The following ADGRB3 variants were observed in gnomAD, a reference collection of about 807,000 sequenced individuals.
The protein encoded by ADGRB3 is brain-specific angiogenesis inhibitor 3.
ADGRB3 carries 37 observed loss-of-function variants against 193.4 expected under a neutral mutation model. The ratio of observed to expected loss-of-function variants is 0.19; its 90% CI spans 0.15 to 0.25. ADGRB3 has a LOEUF of 0.25. Ranked by LOEUF, ADGRB3 falls within the 10% of genes least tolerant of loss-of-function variation. The pLI is 1.00. For synonymous variants in ADGRB3, 690 were observed against 644.2 expected (o/e 1.07, Z -1.08); for missense variants, 1,637 against 1,852.9 (o/e 0.88, Z 2.14).
chr6:68,901,248 A>AG (rs1766385847), intron 3 of ADGRB3, among the ~76,000 whole-genome samples: 2 of 149,222 alleles, frequency 1.3e-5, no homozygotes, highest in Non-Finnish European at 3.0e-5. Flanking sequence ...TAGTGGGTGG[A>AG]GGGGGGTGGG....
At chr6:68,659,534 A>T (rs1768573955) in intron 3 of ADGRB3, among the ~76,000 whole-genome samples, 1 of 150,938 alleles carries the variant, frequency 6.6e-6, no homozygotes, top group Admixed American at 6.6e-5. Context: ...ATTTAGAATG[A>T]CTTTTATTGA....
At chr6:69,315,579 C>T (rs899218026) in intron 20 of ADGRB3, among the ~76,000 whole-genome samples, 2 of 151,340 alleles carry the variant, frequency 1.3e-5, no homozygotes, top group Non-Finnish European at 3.0e-5. Flanking sequence ...TGTAAATATG[C>T]AGTTATTAGT....
At chr6:68,848,799 C>G (rs1329292607) in intron 3 of ADGRB3, among the ~76,000 whole-genome samples, 1 of 151,972 alleles carries the variant, frequency 6.6e-6, no homozygotes, top group Non-Finnish European at 1.5e-5. Flanking sequence ...CTCTCAGGTA[C>G]AGTCCTATCA....
At chr6:68,784,322 A>G (rs923139426) in intron 3 of ADGRB3, among the ~76,000 whole-genome samples, 5 of 152,244 alleles carry the variant, frequency 3.3e-5, no homozygotes, top group Middle Eastern at 3.4e-3. Flanking sequence ...TTTAGCCAAA[A>G]GGCTGAGAAG....
intron 4 of ADGRB3, among the ~76,000 whole-genome samples, chr6:68,931,440 C>T (rs905791058): frequency 2.0e-5 from 3 of 151,938 alleles, no homozygotes; most frequent in Admixed American, 1.3e-4. Context: ...GAGTACATTG[C>T]ATGTAGTACA....
At chr6:68,756,431 G>A (rs1345870635) in intron 3 of ADGRB3, among the ~76,000 whole-genome samples, 1 of 152,148 alleles carries the variant, frequency 6.6e-6, no homozygotes, top group African/African-American at 2.4e-5. Context: ...TGTGTGCACA[G>A]GCAATATAAA....
At chr6:68,985,306 C>T (rs557363582) in intron 10 of ADGRB3, among the ~76,000 whole-genome samples, 17 of 152,250 alleles carry the variant, frequency 1.1e-4, no homozygotes, top group Admixed American at 8.5e-4. Flanking sequence ...TTGAAAAGTG[C>T]TCTTTGTGAT....
chr6:69,336,204 C>A (rs969617040), intron 24 of ADGRB3, among the ~76,000 whole-genome samples: 2 of 151,838 alleles, frequency 1.3e-5, no homozygotes, highest in Non-Finnish European at 2.9e-5. Context: ...ATTGTAAATA[C>A]AACACATCTT....
At chr6:69,248,426 C>T (rs1204588640) in intron 20 of ADGRB3, among the ~76,000 whole-genome samples, 1 of 152,186 alleles carries the variant, frequency 6.6e-6, no homozygotes, top group African/African-American at 2.4e-5. Flanking sequence ...GACTATGTCT[C>T]TCAGGGTGAA....
chr6:68,898,142 C>T (rs115590308), intron 3 of ADGRB3, among the ~76,000 whole-genome samples: 104 of 151,868 alleles, frequency 6.8e-4, no homozygotes, highest in African/African-American at 2.4e-3. Context: ...CCAGGAAAGC[C>T]TGTGGTGTAC....
At chr6:68,687,543 C>G (rs1257931015) in intron 3 of ADGRB3, among the ~76,000 whole-genome samples, 1 of 152,024 alleles carries the variant, frequency 6.6e-6, no homozygotes, top group African/African-American at 2.4e-5. Flanking sequence ...TGGAAATGAG[C>G]TAGGTATCTT....
intron 3 of ADGRB3, among the ~76,000 whole-genome samples, chr6:68,679,393 A>G (rs1027733131): frequency 6.6e-5 from 10 of 152,150 alleles, no homozygotes; most frequent in Admixed American, 6.5e-4. Context: ...AAGTAGAGAA[A>G]GGGGAACGCT....
At chr6:69,348,190 A>C (rs1464382628) in intron 26 of ADGRB3, among the ~76,000 whole-genome samples, 1 of 152,180 alleles carries the variant, frequency 6.6e-6, no homozygotes, top group African/African-American at 2.4e-5. Context: ...TCAGTAAAAA[A>C]GCTCAGACAG....
chr6:68,731,187 T>C (rs1027989055), intron 3 of ADGRB3, among the ~76,000 whole-genome samples: 2 of 151,680 alleles, frequency 1.3e-5, no homozygotes, highest in African/African-American at 4.8e-5. Context: ...AACTTACTAT[T>C]TGGTAAATAA....
At chr6:68,876,197 G>A (rs533219138) in intron 3 of ADGRB3, among the ~76,000 whole-genome samples, 5 of 152,162 alleles carry the variant, frequency 3.3e-5, no homozygotes, top group South Asian at 4.1e-4. Context: ...ACATATACAA[G>A]ATGACTTACA....
At chr6:68,985,096 T>C (rs1270935288) in intron 10 of ADGRB3, among the ~76,000 whole-genome samples, 2 of 152,294 alleles carry the variant, frequency 1.3e-5, no homozygotes, top group Middle Eastern at 3.4e-3. Context: ...ATACAGAATT[T>C]AGAGTATAGC....
intron 20 of ADGRB3, among the ~76,000 whole-genome samples, chr6:69,280,351 C>T (rs867277899): frequency 1.3e-5 from 2 of 152,040 alleles, no homozygotes; most frequent in African/African-American, 4.8e-5. Context: ...TCTCACTGCC[C>T]TACATATATT....
At chr6:69,040,356 T>TCTTTCTTC (rs1684621757) in intron 13 of ADGRB3, among the ~76,000 whole-genome samples, 1 of 55,568 alleles carries the variant, frequency 1.8e-5, no homozygotes, top group Admixed American at 2.6e-4. Flanking sequence ...TTTCTTTCTT[T>TCTTTCTTC]CTTTCTTTCT....
intron 3 of ADGRB3, among the ~76,000 whole-genome samples, chr6:68,703,822 C>T (rs1288022205): frequency 6.6e-6 from 1 of 152,046 alleles, no homozygotes; most frequent in Non-Finnish European, 1.5e-5. Flanking sequence ...GGGGTTTCAT[C>T]GTGTTGGTCA....
Sources: allele counts gnomAD v4.1 joint callset (sites outside exome capture counted in the v4.1 genomes callset), GRCh38; gene constraint gnomAD v4.1.1; transcripts MANE v1.5; gene names NCBI Gene and HGNC (gene_info 2026-07-23, HGNC 2026-07-21).